SPINK5: variants seen among roughly 807,000 people sequenced by gnomAD.
SPINK5 encodes the protein serine peptidase inhibitor Kazal type 5.
A neutral mutation model predicts 151.8 loss-of-function variants in SPINK5; 125 were observed. The observed-to-expected ratio is 0.82, with a 90% confidence interval of 0.71 to 0.96. The LOEUF (loss-of-function observed/expected upper bound fraction) is 0.96. Ranked by LOEUF, SPINK5 falls within the 40% of genes least tolerant of loss-of-function variation. The pLI, the probability that SPINK5 is intolerant of heterozygous loss-of-function variation, is 0.00. For missense variants in SPINK5, 1,194 were observed against 1,291.9 expected (o/e 0.92, Z 1.16); for synonymous variants, 374 against 395.3 (o/e 0.95, Z 0.64).
Position 148,101,850 on chromosome 5 carries a change from A to G in SPINK5, c.1372A>G (p.Ile458Val), listed in dbSNP as rs1273563317. The G allele has an allele frequency of 1.2e-6, 2 of 1,613,788 alleles. No homozygotes were observed. The highest frequency in any genetic ancestry group is 2.2e-5 in the South Asian group (2 of 91,076). Residue 458 changes from isoleucine to valine, a missense_variant, in exon 15 of 33, where the codon ATC becomes GTC. By Grantham distance (29) the Ile-to-Val change is conservative (BLOSUM62 3). Transcript: ENST00000256084. Reference protein sequence around the residue: ...RLFCTRENDPIQGPDGKMHGN... With the variant: ...RLFCTRENDPVQGPDGKMHGN... Reference sequence around the variant, plus strand: ...TTTTTGCACCAGAGAGAATGACCCCATCCAGGGCCCAGATGGAAAAATGCA... The same window carrying G: ...TTTTTGCACCAGAGAGAATGACCCCGTCCAGGGCCCAGATGGAAAAATGCA...
rs1754224941 is a variant in SPINK5 at position 148,120,369 on chromosome 5, G to C, written c.2516G>C (p.Gly839Ala). ...AATACAGGAGAAAGGAGCAATACAG[G>C]AGAAAGGAGCAATGACAAAGAGGTA... ...RSNTGERSNT[G>A]ERSNDKEDLC... Residue 839 changes from glycine to alanine, a missense_variant, in exon 26 of 33, where the codon GGA (glycine) becomes GCA (alanine). By Grantham distance (60) the Gly-to-Ala change is moderately conservative. Coordinates refer to ENST00000256084, the MANE Select transcript of SPINK5 (RefSeq NM_006846.4). 6.3e-7 allele frequency: 1 copy of C among 1,599,964 alleles called. No individual in the cohort carries two copies. The highest frequency in any genetic ancestry group is 8.5e-7 in the Non-Finnish European group (1 of 1,171,626).
In SPINK5 at chr5:148,112,928, T is replaced by A. The variant is rs377608943; in HGVS notation, c.1881T>A (p.Ala627=). The change falls in exon 20 of 33, where the codon GCT becomes GCA. Residue 627 remains alanine (A), a synonymous_variant. Coordinates refer to ENST00000256084, the MANE Select transcript of SPINK5 (RefSeq NM_006846.4). ...CCAGAGCAAAAGTCAAAAGAGAAGCTGAAAAGGTAGTAATCCTGAATGTTT... is the reference window on the plus strand; with the variant it reads ...CCAGAGCAAAAGTCAAAAGAGAAGCAGAAAAGGTAGTAATCCTGAATGTTT... The part of the protein sequence containing the change: ...AEPRAKVKRE[A]EKETCDEFRR... The A allele has an allele frequency of 7.1e-5, 114 of 1,613,554 alleles. No individual in the cohort carries two copies. The highest frequency in any genetic ancestry group is 9.3e-5 in the Non-Finnish European group (110 of 1,179,822).
Position 148,123,855 on chromosome 5 carries a change from G to A in SPINK5, c.2561G>A (p.Ser854Asn). 6.2e-7 allele frequency: 1 copy of A among 1,613,904 alleles called. No homozygotes were observed. Among genetic ancestry groups the A allele is most frequent in the Non-Finnish European group, 8.5e-7 (1 of 1,179,970 alleles). ...TAGGATCTGTGTCGTGAATTTCGAAGCATGCAGAGAAATGGAAAGCTTATC... is the reference window on the plus strand; with the variant it reads ...TAGGATCTGTGTCGTGAATTTCGAAACATGCAGAGAAATGGAAAGCTTATC... Reference protein sequence around the residue: ...DKEDLCREFRSMQRNGKLICT... With the variant: ...DKEDLCREFRNMQRNGKLICT... Residue 854 changes from serine to asparagine, a missense_variant, in exon 27 of 33, where the codon AGC becomes AAC. By Grantham distance (46) the Ser-to-Asn change is conservative. Transcript: ENST00000256084.
rs753787744 is a variant in SPINK5 at position 148,101,381 on chromosome 5, A to C, written c.1247A>C (p.Lys416Thr). 6.2e-7 allele frequency: 1 copy of C among 1,611,782 alleles called. No individual in the cohort carries two copies. Among genetic ancestry groups the C allele is most frequent in the Non-Finnish European group, 8.5e-7 (1 of 1,178,130 alleles). Residue 416 changes from lysine to threonine, a missense_variant, in exon 14 of 33, where the codon AAG (lysine) becomes ACG (threonine). Lys to Thr is a moderately conservative substitution (Grantham distance 78, BLOSUM62 -1). Coordinates refer to ENST00000256084, the MANE Select transcript of SPINK5 (RefSeq NM_006846.4). The part of the protein sequence containing the change: ...FFQAEEEEKK[K>T]KEGKSRNKRQ... ...CAAGCAGAAGAAGAAGAAAAGAAAAAGAAGGAAGGTAAATCAAGAAACAAA... is the reference window on the plus strand; with the variant it reads ...CAAGCAGAAGAAGAAGAAAAGAAAACGAAGGAAGGTAAATCAAGAAACAAA...
intron 30 of SPINK5, among the ~76,000 whole-genome samples, chr5:148,129,818 ATC>A (rs1561708246): frequency 6.6e-6 from 1 of 152,148 alleles, no homozygotes; most frequent in Non-Finnish European, 1.5e-5. Flanking sequence ...TCGTCTTTGT[ATC>A]TGTTTTCAGT....
chr5:148,107,122 G>C lies in SPINK5; in HGVS notation c.1565G>C (p.Gly522Ala). The C allele has an allele frequency of 1.2e-6, 2 of 1,612,894 alleles. No homozygotes were observed. Among genetic ancestry groups the C allele is most frequent in the Non-Finnish European group, 1.7e-6 (2 of 1,179,274 alleles). Residue 522 changes from glycine to alanine, a missense_variant, in exon 17 of 33, where the codon GGC becomes GCC. By Grantham distance (60) the Gly-to-Ala change is moderately conservative. Coordinates refer to ENST00000256084, the MANE Select transcript of SPINK5 (RefSeq NM_006846.4). The stretch of plus-strand genomic sequence containing the variant: ...CATAATCCTGTCCGTGGCCCAGATG[G>C]CAAAATGCATGGAAACAAGTGTGCC... ...REHNPVRGPDGKMHGNKCAMC... is the reference protein window; with the variant it reads ...REHNPVRGPDAKMHGNKCAMC...
intron 6 of SPINK5, chr5:148,089,105 T>G (rs1753238139): frequency 2.2e-6 from 1 of 462,752 alleles, no homozygotes. Context: ...TGAATGATTT[T>G]CCTAATTTTC....
In SPINK5 at chr5:148,108,829, G is replaced by A. The variant is rs1187336224; in HGVS notation, c.1684G>A (p.Ala562Thr). Reference sequence around the variant, plus strand: ...CGAGGCTGAAAAAGTTAAGAGAGAAGCAGTTCAGGTAGTTGTTTGAGATCA... The same window carrying A: ...CGAGGCTGAAAAAGTTAAGAGAGAAACAGTTCAGGTAGTTGTTTGAGATCA... Reference protein sequence around the residue: ...KVEAEKVKREAVQELCSEYRH... With the variant: ...KVEAEKVKRETVQELCSEYRH... Residue 562 changes from alanine to threonine, a missense_variant, in exon 18 of 33, where the codon GCA becomes ACA. Transcript: ENST00000256084. 1.2e-6 allele frequency: 2 copies of A among 1,612,196 alleles called. No individual in the cohort carries two copies. The highest frequency in any genetic ancestry group is 8.5e-7 in the Non-Finnish European group (1 of 1,178,772).
chr5:148,074,317 G>A (rs1360890433), intron 4 of SPINK5, among the ~76,000 whole-genome samples: 1 of 151,640 alleles, frequency 6.6e-6, no homozygotes, highest in African/African-American at 2.4e-5. Flanking sequence ...TGTTGGTACT[G>A]CCTCCAAAGT....
At position 148,088,604 on chromosome 5, in the gene SPINK5, A is replaced by C. The variant is rs1357774132; in HGVS notation, c.473A>C (p.Gln158Pro). ...EGECKSSNPE[Q>P]DVCSAFRPFV... ...GAATGTAAGAGCAGTAATCCAGAGC[A>C]GGTGAGGTCAATTGTCAGCCTGATG... is the stretch of plus-strand genomic sequence containing the variant. Residue 158 changes from glutamine to proline, a missense_variant and splice_region_variant, in exon 6 of 33, where the codon CAG becomes CCG. Coordinates refer to ENST00000256084, the MANE Select transcript of SPINK5 (RefSeq NM_006846.4). The C allele has an allele frequency of 4.0e-5, 64 of 1,611,456 alleles. No individual in the cohort carries two copies. Among genetic ancestry groups the C allele is most frequent in the Non-Finnish European group, 5.0e-5 (59 of 1,178,416 alleles).
At chr5:148,098,231 A>G (rs1753525467) in intron 11 of SPINK5, among the ~76,000 whole-genome samples, 1 of 152,044 alleles carries the variant, frequency 6.6e-6, no homozygotes, top group Admixed American at 6.6e-5. Context: ...ACAAACATGA[A>G]CTTGTACAAA....
intron 21 of SPINK5, 28 bp from the exon 22 acceptor site, chr5:148,116,342 T>C: frequency 6.2e-7 from 1 of 1,610,154 alleles, no homozygotes; most frequent in Non-Finnish European, 8.5e-7. Context: ...AATCTATTGT[T>C]CCCTACCTCC....
intron 22 of SPINK5, among the ~76,000 whole-genome samples, chr5:148,117,414 A>AT (rs1447035804): frequency 2.0e-5 from 3 of 151,956 alleles, no homozygotes; most frequent in Admixed American, 1.3e-4. Context: ...AGACCTGCAC[A>AT]TTTTTTTCTG....
Position 148,101,832 on chromosome 5 carries a change from A to C in SPINK5, c.1354A>C (p.Thr452Pro). Reference sequence around the variant, plus strand: ...CAGGAAAAACGGACGGCTTTTTTGCACCAGAGAGAATGACCCCATCCAGGG... The same window carrying C: ...CAGGAAAAACGGACGGCTTTTTTGCCCCAGAGAGAATGACCCCATCCAGGG... ...KSRKNGRLFC[T>P]RENDPIQGPD... The change falls in exon 15 of 33, where the codon ACC (threonine) becomes CCC (proline). Residue 452 changes from threonine to proline, a missense_variant. Physicochemically the swap from Thr to Pro is conservative, Grantham distance 38. Transcript: ENST00000256084. 1 of 1,613,852 alleles carries C rather than the reference A, an allele frequency of 6.2e-7. No individual in the cohort carries two copies. Among genetic ancestry groups the C allele is most frequent in the Non-Finnish European group, 8.5e-7 (1 of 1,179,808 alleles).
chr5:148,088,673 C>A, intron 6 of SPINK5, 68 bp downstream of exon 6: 2 of 1,450,320 alleles, frequency 1.4e-6, no homozygotes, highest in Non-Finnish European at 1.9e-6. Flanking sequence ...TAGGTGCTCT[C>A]CTCTTCCTTC....
intron 8 of SPINK5, among the ~76,000 whole-genome samples, chr5:148,091,873 G>C (rs1753320798): frequency 6.6e-6 from 1 of 151,478 alleles, no homozygotes; most frequent in South Asian, 2.1e-4. Flanking sequence ...AGTATAAAAA[G>C]TTTTGAATAA....
rs762394348 is a variant in SPINK5, at chr5:148,114,340, T to C, written c.1888-22T>C. ...AATTTCCCAGAAGATACTCAAGCTT[T>C]CTCCTTTTCTTTTCCTTTTAGGAGA... On this transcript the variant is annotated intron_variant, in intron 20 of 32. Coordinates refer to ENST00000256084, the MANE Select transcript of SPINK5 (RefSeq NM_006846.4). 3 of 1,609,816 alleles carry C rather than the reference T, an allele frequency of 1.9e-6. No homozygotes were observed. In the East Asian group the frequency reaches 6.7e-5, roughly 36 times the overall value.
At chr5:148,107,235 T>A in intron 17 of SPINK5, 71 bp downstream of exon 17, 3 of 1,584,526 alleles carry the variant, frequency 1.9e-6, no homozygotes, top group South Asian at 1.1e-5. Flanking sequence ...AGATCCTTCA[T>A]GCATGTGTAG....
rs3777137 is a variant in SPINK5, at chr5:148,118,167, C to T, written c.2113-270C>T. Among the ~76,000 whole-genome samples the T allele has an allele frequency of 0.51, 77,751 of 151,884 alleles. 22,040 individuals carry two copies. The highest frequency in any genetic ancestry group is 0.63 in the Non-Finnish European group (42,710 of 67,944). On this transcript the variant is annotated intron_variant, in intron 22 of 32. Coordinates refer to ENST00000256084, the MANE Select transcript of SPINK5 (RefSeq NM_006846.4). ...CCAAGTAGCTGGGATTACAGGCACCCGCCACCATGCCCAGCTAATTTTTGT... is the reference window on the plus strand; with the variant it reads ...CCAAGTAGCTGGGATTACAGGCACCTGCCACCATGCCCAGCTAATTTTTGT...
Sources: gnomAD v4.1 joint callset for allele counts (sites outside exome capture counted in the v4.1 genomes callset) on GRCh38, gnomAD v4.1.1 for gene constraint, MANE v1.5 for transcripts, NCBI Gene and HGNC (gene_info 2026-07-23, HGNC 2026-07-21) for gene names.